The following GRM3 variants were observed in gnomAD, a reference collection of about 807,000 sequenced individuals.
GRM3 encodes the protein glutamate metabotropic receptor 3.
GRM3 carries 26 observed loss-of-function variants against 70.5 expected under a neutral mutation model. The ratio of observed to expected loss-of-function variants is 0.37; its 90% CI spans 0.27 to 0.51. The LOEUF (loss-of-function observed/expected upper bound fraction) is 0.51. Among genes scored for constraint, GRM3 ranks in the 20% least tolerant of loss-of-function variants. The pLI, the probability that GRM3 is intolerant of heterozygous loss-of-function variation, is 0.93. For missense variants in GRM3, 859 were observed against 1,123.8 expected (o/e 0.76, Z 3.37); for synonymous variants, 443 against 434.9 (o/e 1.02, Z -0.23).
intron 2 of GRM3, among the ~76,000 whole-genome samples, chr7:86,778,992 C>T (rs1186748435): frequency 6.6e-6 from 1 of 152,100 alleles, no homozygotes; most frequent in Non-Finnish European, 1.5e-5. Context: ...GATACACACA[C>T]ACACTCATCA....
At chr7:86,681,347 A>C (rs1368666648) in intron 1 of GRM3, among the ~76,000 whole-genome samples, 1 of 152,250 alleles carries the variant, frequency 6.6e-6, no homozygotes, top group East Asian at 1.9e-4. Context: ...ATCTAGGTTA[A>C]TTTTAATATG....
At chr7:86,841,078 AT>A (rs1798550118) in intron 4 of GRM3, among the ~76,000 whole-genome samples, 1 of 152,202 alleles carries the variant, frequency 6.6e-6, no homozygotes, top group African/African-American at 2.4e-5. Context: ...AATTAGCTCT[AT>A]TTACCCATTC....
chr7:86,756,639 T>C (rs369126016), intron 1 of GRM3, among the ~76,000 whole-genome samples: 1 of 152,148 alleles, frequency 6.6e-6, no homozygotes, highest in Non-Finnish European at 1.5e-5. Flanking sequence ...GGATTTTCCT[T>C]TACCTTTACT....
Position 86,655,857 on chromosome 7 carries a change from G to GGT in GRM3, c.-141+10987_-141+10988dup. 1.7e-5 allele frequency among the ~76,000 whole-genome samples: 2 copies of GGT among 115,806 alleles called. 1 individual carries two copies. The highest frequency in any genetic ancestry group is 6.3e-4 in the South Asian group (2 of 3,152). 76.0% of individuals were successfully genotyped at this position (115,806 alleles called of 152,430 possible). A position where few individuals can be genotyped will look rare whatever the true frequency, so the allele number is the denominator to read the frequency against. ...GTGTGTGTGTGTGTGTGTGTGGGTGGGTGGGTGTGTGTGTATGTGTGTTTA... is the reference window on the plus strand; with the variant it reads ...GTGTGTGTGTGTGTGTGTGTGGGTGGGTGTGGGTGTGTGTGTATGTGTGTTTA... On this transcript the variant is annotated intron_variant, in intron 1 of 5. Coordinates refer to ENST00000361669, the MANE Select transcript of GRM3 (RefSeq NM_000840.3).
chr7:86,804,380 AAATATT>A (rs1379764324), intron 3 of GRM3, among the ~76,000 whole-genome samples: 1 of 152,294 alleles, frequency 6.6e-6, no homozygotes, highest in East Asian at 1.9e-4. Flanking sequence ...GCTGAGTACC[AAATATT>A]AATAGAATTA....
At chr7:86,792,120 T>C (rs912857264) in intron 3 of GRM3, among the ~76,000 whole-genome samples, 1 of 152,190 alleles carries the variant, frequency 6.6e-6, no homozygotes, top group African/African-American at 2.4e-5. Flanking sequence ...AGAAATGGAA[T>C]ATCACTGTGA....
chr7:86,675,874 C>T (rs1794292887), intron 1 of GRM3, among the ~76,000 whole-genome samples: 1 of 151,990 alleles, frequency 6.6e-6, no homozygotes, highest in East Asian at 1.9e-4. Context: ...GAATAATTCA[C>T]AGTGTAGACT....
intron 1 of GRM3, among the ~76,000 whole-genome samples, chr7:86,656,328 C>T (rs1458855140): frequency 2.2e-5 from 3 of 138,836 alleles, no homozygotes; most frequent in African/African-American, 8.2e-5. Flanking sequence ...TGCAGTGGCA[C>T]GATCTCAGCT....
intron 1 of GRM3, among the ~76,000 whole-genome samples, chr7:86,753,768 A>T (rs1796283378): frequency 6.6e-6 from 1 of 152,114 alleles, no homozygotes; most frequent in African/African-American, 2.4e-5. Context: ...ATTTTATAAG[A>T]GCATTGTTAA....
At chr7:86,782,591 CT>C (rs1797101035) in intron 2 of GRM3, among the ~76,000 whole-genome samples, 1 of 152,198 alleles carries the variant, frequency 6.6e-6, no homozygotes, top group Admixed American at 6.5e-5. Context: ...TTTTCACATT[CT>C]GCGCTTTAGC....
chr7:86,645,138 G>C (rs1562810897), intron 1 of GRM3, among the ~76,000 whole-genome samples: 1 of 152,130 alleles, frequency 6.6e-6, no homozygotes, highest in African/African-American at 2.4e-5. Context: ...GAGAGGTGAA[G>C]GGACGAACTA....
chr7:86,663,503 G>A (rs1793949915), intron 1 of GRM3, among the ~76,000 whole-genome samples: 1 of 152,002 alleles, frequency 6.6e-6, no homozygotes, highest in African/African-American at 2.4e-5. Flanking sequence ...GAAATAGTGA[G>A]TACTAATTTG....
At chr7:86,733,980 C>T (rs779756496) in intron 1 of GRM3, among the ~76,000 whole-genome samples, 9 of 152,226 alleles carry the variant, frequency 5.9e-5, no homozygotes, top group Non-Finnish European at 1.0e-4. Context: ...CTGAGTCATG[C>T]TGAACCAGAT....
chr7:86,657,535 G>T (rs758233954), intron 1 of GRM3, among the ~76,000 whole-genome samples: 2 of 152,184 alleles, frequency 1.3e-5, no homozygotes, highest in East Asian at 3.8e-4. Flanking sequence ...TTAGTTTAAG[G>T]TTAGAGTGTA....
In GRM3 at chr7:86,830,514, A is replaced by T. The variant is rs1007686051; in HGVS notation, c.1325-8325A>T. 4.6e-5 allele frequency among the ~76,000 whole-genome samples: 7 copies of T among 152,190 alleles called. No individual in the cohort carries two copies. The East Asian group carries it at 5.8e-4, about 13-fold the overall frequency. The stretch of plus-strand genomic sequence containing the variant: ...TTAAAAATTGAAAGAAAATTTTTTT[A>T]AAAATGTCCATCAACAAAAGAATGG... On this transcript the variant is annotated intron_variant, in intron 3 of 5. Transcript: ENST00000361669.
intron 1 of GRM3, among the ~76,000 whole-genome samples, chr7:86,678,448 T>C (rs577053445): frequency 1.3e-5 from 2 of 152,184 alleles, no homozygotes; most frequent in African/African-American, 4.8e-5. Context: ...CGCCTCTCTT[T>C]TTCTGTCAAA....
chr7:86,788,588 G>C (rs371194514), intron 3 of GRM3, among the ~76,000 whole-genome samples: 1 of 152,104 alleles, frequency 6.6e-6, no homozygotes. Flanking sequence ...TAAATAAAAA[G>C]AGTAATAAAT....
chr7:86,736,369 T>C (rs1434667175), intron 1 of GRM3, among the ~76,000 whole-genome samples: 1 of 152,200 alleles, frequency 6.6e-6, no homozygotes, highest in Non-Finnish European at 1.5e-5. Flanking sequence ...CCAATGTGAT[T>C]AATGTAGCTG....
chr7:86,654,592 A>T (rs557458424), intron 1 of GRM3, among the ~76,000 whole-genome samples: 16 of 152,334 alleles, frequency 1.1e-4, no homozygotes, highest in Non-Finnish European at 2.4e-4. Context: ...TTATTTCTCC[A>T]TACAATCATT....
Sources: gnomAD v4.1 joint callset for allele counts (sites outside exome capture counted in the v4.1 genomes callset) on GRCh38, gnomAD v4.1.1 for gene constraint, MANE v1.5 for transcripts, NCBI Gene and HGNC (gene_info 2026-07-23, HGNC 2026-07-21) for gene names.